The following TBX5 variants were observed in gnomAD, a reference collection of about 807,000 sequenced individuals.
The protein encoded by TBX5 is T-box transcription factor TBX5.
A neutral mutation model predicts 51.1 loss-of-function variants in TBX5; 8 were observed. That is an observed-to-expected ratio of 0.16 (90% CI 0.09 to 0.28). The LOEUF (loss-of-function observed/expected upper bound fraction) is 0.28, where lower values mean the gene tolerates loss of function less well. Among genes scored for constraint, TBX5 ranks in the 10% least tolerant of loss-of-function variants. TBX5 has a pLI of 1.00. For synonymous variants in TBX5, 302 were observed against 266.4 expected (o/e 1.13, Z -1.30); for missense variants, 589 against 671.7 (o/e 0.88, Z 1.36).
chr12:114,356,827 T>G (rs149371788), intron 8 of TBX5, among the ~76,000 whole-genome samples: 1 of 152,302 alleles, frequency 6.6e-6, no homozygotes, highest in African/African-American at 2.4e-5. Context: ...ATCCTCATCT[T>G]ACAGATGAGA....
chr12:114,388,665 T>C (rs1870963647), intron 6 of TBX5, among the ~76,000 whole-genome samples: 1 of 136,608 alleles, frequency 7.3e-6, no homozygotes, highest in Non-Finnish European at 1.6e-5. Flanking sequence ...TAAAATATTT[T>C]TAAAGTATCC....
At chr12:114,397,117 C>A (rs549594927) in intron 5 of TBX5, among the ~76,000 whole-genome samples, 154 of 152,298 alleles carry the variant, frequency 1.0e-3, no homozygotes, top group African/African-American at 3.2e-3. Context: ...GAGCAGATTT[C>A]TCGTTTGGAC....
intron 6 of TBX5, among the ~76,000 whole-genome samples, 180 bp downstream of exon 6, chr12:114,394,561 A>G (rs1871320220): frequency 6.6e-6 from 1 of 152,110 alleles, no homozygotes; most frequent in Non-Finnish European, 1.5e-5. Flanking sequence ...AAGCTCGTGG[A>G]TATAGTAAAA....
chr12:114,397,271 T>C (rs554066166), intron 5 of TBX5, among the ~76,000 whole-genome samples: 4 of 152,236 alleles, frequency 2.6e-5, no homozygotes, highest in African/African-American at 4.8e-5. Context: ...CCTTTTGTAA[T>C]TAGAGAGACC....
At chr12:114,386,723 T>C (rs992108225) in intron 6 of TBX5, among the ~76,000 whole-genome samples, 1 of 152,188 alleles carries the variant, frequency 6.6e-6, no homozygotes, top group Non-Finnish European at 1.5e-5. Context: ...TAGACACTTT[T>C]AGAGAACTAG....
chr12:114,356,990 C>T (rs374074537), intron 8 of TBX5, among the ~76,000 whole-genome samples: 4 of 143,202 alleles, frequency 2.8e-5, no homozygotes, highest in African/African-American at 1.0e-4. Context: ...AATATTTGTA[C>T]GATGGATGGA....
intron 7 of TBX5, among the ~76,000 whole-genome samples, chr12:114,374,278 G>T (rs1261420178): frequency 6.6e-6 from 1 of 152,184 alleles, no homozygotes; most frequent in African/African-American, 2.4e-5. Flanking sequence ...TTGGGTGATT[G>T]GGGGACACGG....
chr12:114,375,910 T>C (rs755589422), intron 7 of TBX5, among the ~76,000 whole-genome samples: 34 of 152,070 alleles, frequency 2.2e-4, no homozygotes, highest in Non-Finnish European at 1.5e-4. Flanking sequence ...CAAGGCATGG[T>C]GGCACGTGCC....
At chr12:114,398,748 C>T in intron 4 of TBX5, 28 bp from the exon 5 acceptor site, 2 of 1,586,040 alleles carry the variant, frequency 1.3e-6, no homozygotes, top group South Asian at 2.3e-5. Context: ...GTACTAGAGG[C>T]CTGGCTCAGA....
rs566277382 is a variant in TBX5 at position 114,387,122 on chromosome 12, A to G, written c.664-1555T>C. Among the ~76,000 whole-genome samples the G allele has an allele frequency of 4.2e-3, 626 of 149,176 alleles. 2 individuals are homozygous for G. Among genetic ancestry groups the G allele is most frequent in the Non-Finnish European group, 6.9e-3 (456 of 66,306 alleles). On this transcript the variant is annotated intron_variant, in intron 6 of 8. Coordinates refer to ENST00000405440, the MANE Select transcript of TBX5 (RefSeq NM_181486.4). ...TTCCGTCTCAAAAAAAAAACAAAAA[A>G]CAAAAAAACAAACAAACAAAAAACA...
intron 7 of TBX5, 116 bp from the exon 8 acceptor site, chr12:114,366,507 G>T: frequency 1.0e-6 from 1 of 966,698 alleles, no homozygotes; most frequent in Non-Finnish European, 1.6e-6. Context: ...GGAAAAAAAA[G>T]AGGTCTTTGA....
At chr12:114,372,096 C>T (rs138654505) in intron 7 of TBX5, among the ~76,000 whole-genome samples, 19 of 152,072 alleles carry the variant, frequency 1.2e-4, no homozygotes, top group Admixed American at 9.8e-4. Context: ...TTGGAGGCTC[C>T]GACGGGTGGG....
At position 114,357,098 on chromosome 12, in the gene TBX5, C is replaced by A. The variant is rs997026868; in HGVS notation, c.983-992G>T. On this transcript the variant is annotated intron_variant, in intron 8 of 8. Transcript: ENST00000405440. ...TGAATGTTCAAATTCTTTCCTGATT[C>A]CTTATGTAAGCATGTGCCTAGTTAG... 2.6e-5 allele frequency among the ~76,000 whole-genome samples: 4 copies of A among 152,108 alleles called. No homozygotes were observed. The East Asian group carries it at 7.7e-4, about 29-fold the overall frequency.
intron 4 of TBX5, among the ~76,000 whole-genome samples, chr12:114,399,310 T>A (rs1424401039): frequency 6.6e-6 from 1 of 152,082 alleles, no homozygotes; most frequent in African/African-American, 2.4e-5. Context: ...CTCCGCTTTC[T>A]CATCTGGAAA....
chr12:114,402,215 T>A (rs1186882957), intron 2 of TBX5, among the ~76,000 whole-genome samples: 1 of 151,884 alleles, frequency 6.6e-6, no homozygotes, highest in African/African-American at 2.4e-5. Context: ...TCACCCACCA[T>A]CAGGGTGCTC....
chr12:114,384,626 T>C (rs1241745132), intron 7 of TBX5, among the ~76,000 whole-genome samples: 1 of 151,998 alleles, frequency 6.6e-6, no homozygotes, highest in Non-Finnish European at 1.5e-5. Flanking sequence ...ACTCTCCCTT[T>C]TCACATCTTC....
chr12:114,379,888 A>G (rs1041089861), intron 7 of TBX5, among the ~76,000 whole-genome samples: 9 of 152,218 alleles, frequency 5.9e-5, no homozygotes, highest in Admixed American at 5.9e-4. Context: ...TCAGTTTCCC[A>G]TTCTGCAAAA....
chr12:114,389,753 CAAAAAAAAAAAAAAAAAAAAAAAA>C (rs55649814), intron 6 of TBX5, among the ~76,000 whole-genome samples: 1 of 40,246 alleles, frequency 2.5e-5, no homozygotes, highest in African/African-American at 9.2e-5. Flanking sequence ...GACTCCGTCT[CAAAAAAAAAAAAAAAAAAAAAAAA>C]AAAAAAAAAA....
intron 6 of TBX5, 30 bp from the exon 7 acceptor site, chr12:114,385,597 G>T (rs781092030): frequency 3.6e-5 from 57 of 1,580,896 alleles, no homozygotes; most frequent in Non-Finnish European, 4.9e-5. Context: ...AGAACAAGCT[G>T]GTTTTCACTT....
Sources: allele counts gnomAD v4.1 joint callset (sites outside exome capture counted in the v4.1 genomes callset), GRCh38; gene constraint gnomAD v4.1.1; transcripts MANE v1.5; gene names NCBI Gene and HGNC (gene_info 2026-07-23, HGNC 2026-07-21).